AKNA: variants seen among roughly 807,000 people sequenced by gnomAD.
AKNA encodes the protein AT-hook transcription factor.
A neutral mutation model predicts 138.8 loss-of-function variants in AKNA; 67 were observed. The observed-to-expected ratio is 0.48, with a 90% CI of 0.40 to 0.59. The LOEUF (loss-of-function observed/expected upper bound fraction) is 0.59, where lower values mean the gene tolerates loss of function less well. Ranked by LOEUF, AKNA falls within the 20% of genes least tolerant of loss-of-function variation. The pLI is 0.00. For synonymous variants in AKNA, 737 were observed against 754.4 expected, an observed-to-expected ratio of 0.98 and a Z score of 0.38; for missense variants, 1,813 against 1,880.4, an observed-to-expected ratio of 0.96 and a Z score of 0.66.
At chr9:114,395,347 T>C (rs1834499568), upstream of AKNA, among the ~76,000 whole-genome samples, 2 of 152,176 alleles carry the variant, frequency 1.3e-5, no homozygotes, top group East Asian at 3.9e-4. Flanking sequence ...ACCTCTTCCC[T>C]ATCACCCACC....
intron 3 of AKNA, among the ~76,000 whole-genome samples, chr9:114,375,314 A>G (rs1379093147): frequency 6.6e-6 from 1 of 152,252 alleles, no homozygotes; most frequent in African/African-American, 2.4e-5. Flanking sequence ...CGGCAGAAGT[A>G]AGAAGGAGGA....
chr9:114,356,892 C>T lies in AKNA; in HGVS notation c.2817G>A (p.Gln939=). The part of the protein sequence containing the change: ...SETSRVSPLT[Q]TPEHRLSHIS... ...TGTGGGAGAGCCGGTGCTCTGGAGT[C>T]TGGGTGAGGGGTGAAACTCTGCTTG... Residue 939 remains glutamine (Q), a synonymous_variant, in exon 13 of 22, where the codon CAG becomes CAA. Transcript: ENST00000374088. 1.3e-6 allele frequency: 2 copies of T among 1,566,642 alleles called. No homozygotes were observed. The highest frequency in any genetic ancestry group is 1.7e-6 in the Non-Finnish European group (2 of 1,161,978).
Position 114,367,868 on chromosome 9 carries a change from T to C in AKNA, c.1574-171A>G, listed in dbSNP as rs1163479601. ...GGGCTGGGTAGAACATTGTCCCCCA[T>C]TTACAAGGGAGAACAAGGTCCAGAT... On this transcript the variant is annotated intron_variant, in intron 5 of 21. Transcript: ENST00000374088. 2.0e-5 allele frequency among the ~76,000 whole-genome samples: 3 copies of C among 152,292 alleles called. No individual in the cohort carries two copies. The East Asian group carries it at 5.8e-4, about 29-fold the overall frequency.
Position 114,370,566 on chromosome 9 carries a change from C to T in AKNA, c.1417-1971G>A, listed in dbSNP as rs146888458. Among the ~76,000 whole-genome samples, 726 of 152,256 alleles carry T rather than the reference C, an allele frequency of 4.8e-3. 4 individuals carry two copies. The highest frequency in any genetic ancestry group is 0.016 in the African/African-American group (685 of 41,552). ...GTGGGGGTGGCAGCTGCAGCTGCTCCGGCCAGGCCCTCCCAGGGCTGGTCT... is the reference window on the plus strand; with the variant it reads ...GTGGGGGTGGCAGCTGCAGCTGCTCTGGCCAGGCCCTCCCAGGGCTGGTCT... On this transcript the variant is annotated intron_variant, in intron 4 of 21. Coordinates refer to ENST00000374088, the MANE Select transcript of AKNA (RefSeq NM_001317950.2).
intron 1 of AKNA, chr9:114,383,032 C>A (rs113050056): frequency 1.9e-5 from 8 of 422,820 alleles, no homozygotes; most frequent in Non-Finnish European, 2.9e-5. Context: ...AGGAGTGAGG[C>A]GAGCTGGGGG....
Position 114,337,005 on chromosome 9 carries a change from G to T in AKNA, c.*49C>A. On this transcript the variant is annotated 3_prime_UTR_variant, in exon 22 of 22. Coordinates refer to ENST00000374088, the MANE Select transcript of AKNA (RefSeq NM_001317950.2). ...GCTCCAGCCCACTCCTGGCCTGGCA[G>T]GCCACCTGCCCACCCACCCACCCAT... The T allele has an allele frequency of 4.8e-6, 6 of 1,245,596 alleles. No homozygotes were observed. The highest frequency in any genetic ancestry group is 6.5e-6 in the Non-Finnish European group (6 of 930,098). 77.2% of individuals were successfully genotyped at this position (1,245,596 alleles called of 1,614,324 possible). A position where few individuals can be genotyped will look rare whatever the true frequency, so the allele number is the denominator to read the frequency against.
chr9:114,390,529 G>T (rs1347151657), upstream of AKNA, among the ~76,000 whole-genome samples: 6 of 152,132 alleles, frequency 3.9e-5, no homozygotes, highest in Non-Finnish European at 8.8e-5. Flanking sequence ...TCCCCACGTG[G>T]GTCCCTGGAT....
At chr9:114,353,418 C>T (rs1226890144) in intron 14 of AKNA, among the ~76,000 whole-genome samples, 3 of 152,114 alleles carry the variant, frequency 2.0e-5, no homozygotes, top group Non-Finnish European at 4.4e-5. Flanking sequence ...TGCCAGCCAC[C>T]ACGTCTGGCT....
intron 8 of AKNA, 31 bp downstream of exon 8, chr9:114,362,375 G>A (rs758340927): frequency 6.3e-7 from 1 of 1,596,898 alleles, no homozygotes; most frequent in East Asian, 2.3e-5. Context: ...CATCCCATCT[G>A]TCCTTCCAGG....
In AKNA at chr9:114,358,095, C is replaced by T. The variant is rs746908194; in HGVS notation, c.2565G>A (p.Met855Ile). Reference sequence around the variant, plus strand: ...CTGCCTCAGCCTTGCCCAGGCCTGACATGTGCCCGTCTCTAGCCAGGGATG... The same window carrying T: ...CTGCCTCAGCCTTGCCCAGGCCTGATATGTGCCCGTCTCTAGCCAGGGATG... ...FQASLARDGH[M>I]SGLGKAEAAP... The change falls in exon 12 of 22, where the codon ATG (methionine) becomes ATA (isoleucine). Residue 855 changes from methionine to isoleucine, a missense_variant. Physicochemically the swap from Met to Ile is conservative, Grantham distance 10 (BLOSUM62 1). Transcript: ENST00000374088. The T allele has an allele frequency of 2.0e-5, 32 of 1,614,082 alleles. No homozygotes were observed. The highest frequency in any genetic ancestry group is 2.7e-5 in the Non-Finnish European group (32 of 1,180,012).
intron 14 of AKNA, among the ~76,000 whole-genome samples, chr9:114,355,627 G>A (rs1049880539): frequency 3.3e-5 from 5 of 152,298 alleles, no homozygotes; most frequent in East Asian, 1.9e-4. Flanking sequence ...GACCACCGCC[G>A]TGCACGCTGT....
At chr9:114,345,525 C>A (rs961330337) in intron 18 of AKNA, 1 of 199,758 alleles carries the variant, frequency 5.0e-6, no homozygotes, top group Non-Finnish European at 1.0e-5. Flanking sequence ...ATGGGACATC[C>A]AATTCAGTGT....
chr9:114,362,640 G>A, intron 7 of AKNA, 107 bp from the exon 8 acceptor site: 1 of 1,377,162 alleles, frequency 7.3e-7, no homozygotes. Flanking sequence ...GGATGCACCT[G>A]GGCCCCTGGG....
At position 114,345,991 on chromosome 9, in the gene AKNA, G is replaced by T. The variant is rs757988264; in HGVS notation, c.3533C>A (p.Pro1178His). The T allele has an allele frequency of 5.0e-6, 8 of 1,613,726 alleles. No homozygotes were observed. Among genetic ancestry groups the T allele is most frequent in the Admixed American group, 1.7e-5 (1 of 59,944 alleles). The change falls in exon 18 of 22, where the codon CCC becomes CAC. Residue 1178 changes from proline to histidine, a missense_variant. Pro to His is a moderately conservative substitution (Grantham distance 77). Coordinates refer to ENST00000374088, the MANE Select transcript of AKNA (RefSeq NM_001317950.2). ...RLSLSSESELPSLPLFSEKSK... is the reference protein window; with the variant it reads ...RLSLSSESELHSLPLFSEKSK... The stretch of plus-strand genomic sequence containing the variant: ...CTTCTCAGAGAACAGTGGTAGGGAG[G>T]GCAGCTCAGATTCTGAACCTGGGGT...
In AKNA at chr9:114,362,410, G is replaced by A. The variant is rs746406525; in HGVS notation, c.1912C>T (p.Arg638Cys). The change falls in exon 8 of 22, where the codon CGC becomes TGC. Residue 638 changes from arginine to cysteine, a missense_variant. Physicochemically the swap from Arg to Cys is radical, Grantham distance 180 (BLOSUM62 -3). Transcript: ENST00000374088. ...SKGTPGRFDPRRELEAEIYRL... is the reference protein window; with the variant it reads ...SKGTPGRFDPCRELEAEIYRL... ...GCCTTCCACCCCAGCAGGTACCTGC[G>A]AGGATCAAATCTTCCAGGCGTCCCC... 5 of 1,610,950 alleles carry A rather than the reference G, an allele frequency of 3.1e-6. No homozygotes were observed. The highest frequency in any genetic ancestry group is 1.7e-5 in the Admixed American group (1 of 59,770).
intron 1 of AKNA, among the ~76,000 whole-genome samples, chr9:114,386,503 C>G (rs1422562436): frequency 2.6e-5 from 4 of 152,186 alleles, no homozygotes; most frequent in Non-Finnish European, 5.9e-5. Flanking sequence ...CTCGTTAGGG[C>G]AGCAGGGCTG....
At chr9:114,374,319 C>T (rs1833012259) in intron 3 of AKNA, 152 bp from the exon 4 acceptor site, 2 of 781,604 alleles carry the variant, frequency 2.6e-6, no homozygotes, top group African/African-American at 1.7e-5. Flanking sequence ...GAGCAATCTT[C>T]AGGCTTGTGT....
intron 2 of AKNA, among the ~76,000 whole-genome samples, chr9:114,380,311 C>A (rs935711215): frequency 6.6e-5 from 10 of 152,146 alleles, no homozygotes; most frequent in Non-Finnish European, 1.5e-5. Flanking sequence ...AAACGCCCAG[C>A]AGTAGGAGAC....
chr9:114,357,797 C>G, intron 12 of AKNA, 124 bp downstream of exon 12: 2 of 1,463,688 alleles, frequency 1.4e-6, no homozygotes. Flanking sequence ...TTGTGGCTGG[C>G]AGGGACAGGA....
Sources: gnomAD v4.1 joint callset for allele counts (sites outside exome capture counted in the v4.1 genomes callset) on GRCh38, gnomAD v4.1.1 for gene constraint, MANE v1.5 for transcripts, NCBI Gene and HGNC (gene_info 2026-07-23, HGNC 2026-07-21) for gene names.